PXYLP1: variants seen among roughly 807,000 people sequenced by gnomAD.
The protein encoded by PXYLP1 is 2-phosphoxylose phosphatase 1, also known as acid phosphatase-like 2.
A neutral mutation model predicts 37.9 loss-of-function variants in PXYLP1; 17 were observed. The ratio of observed to expected loss-of-function variants is 0.45; its 90% CI spans 0.31 to 0.67. PXYLP1 has a LOEUF of 0.67. Among genes scored for constraint, PXYLP1 ranks in the 30% least tolerant of loss-of-function variants. The probability of loss-of-function intolerance (pLI) is 0.07; values close to 1 mark genes in which losing one functional copy is unlikely to be tolerated. For missense variants in PXYLP1, 511 were observed against 612.0 expected (o/e 0.84, Z 1.74); for synonymous variants, 221 against 232.2 (o/e 0.95, Z 0.44).
chr3:141,287,358 C>T lies in PXYLP1; in HGVS notation c.410C>T (p.Ser137Leu). The T allele has an allele frequency of 6.2e-7, 1 of 1,614,166 alleles. No individual in the cohort carries two copies. Among genetic ancestry groups the T allele is most frequent in the Non-Finnish European group, 8.5e-7 (1 of 1,180,012 alleles). Residue 137 changes from serine to leucine, a missense_variant, in exon 5 of 6, where the codon TCA becomes TTA. Transcript: ENST00000286353. The part of the protein sequence containing the change: ...PKLEAFISHM[S>L]KGSGASFESP... The stretch of plus-strand genomic sequence containing the variant: ...CTGGAAGCTTTCATTAGTCACATGT[C>T]AAAAGGATCCGGAGCCTCTTTCGAA...
intron 1 of PXYLP1, among the ~76,000 whole-genome samples, chr3:141,246,114 T>A (rs1940931322): frequency 6.6e-6 from 1 of 152,070 alleles, no homozygotes; most frequent in Admixed American, 6.5e-5. Flanking sequence ...TGTAATGGGT[T>A]TGGAAAGCTT....
In PXYLP1 at chr3:141,292,559, T is replaced by A. The variant is rs535085509; in HGVS notation, c.797T>A (p.Leu266Ter). ...KEQRRQYLLR[L>*]KNSQLEKTYG... ...CAGCGTCGTCAGTACCTCCTACGTTTGAAAAACAGCCAGCTGGAGAAGACC... is the reference window on the plus strand; with the variant it reads ...CAGCGTCGTCAGTACCTCCTACGTTAGAAAAACAGCCAGCTGGAGAAGACC... The change falls in exon 6 of 6, where the codon TTG becomes TAG. Residue 266 changes from leucine (L) to a stop codon, truncating the protein, a stop_gained. Transcript: ENST00000286353. LOFTEE classifies it high-confidence loss of function. This position sits in a 1 kb window ranked among gnomAD's most constrained non-coding sequence, Gnocchi z 4.3. 6.2e-7 allele frequency: 1 copy of A among 1,614,092 alleles called. No individual in the cohort carries two copies. Among genetic ancestry groups the A allele is most frequent in the South Asian group, 1.1e-5 (1 of 91,082 alleles).
chr3:141,277,239 G>T (rs60505234), intron 2 of PXYLP1, among the ~76,000 whole-genome samples: 19,488 of 152,134 alleles, frequency 0.13, 1,583 homozygotes, highest in African/African-American at 0.23. Context: ...CTGGTGGTTG[G>T]TCCCTGTTTT....
rs989502148 is a variant in PXYLP1 at position 141,273,043 on chromosome 3, C to A, written c.80-5299C>A. The A allele has an allele frequency of 8.1e-6, 8 of 984,988 alleles. No homozygotes were observed. The South Asian group carries it at 2.3e-4, about 29-fold the overall frequency. 61.0% of individuals were successfully genotyped at this position (984,988 alleles called of 1,614,324 possible). ...TCACTGCATCGTTTCCATACCTGCACCCCCCAACCAGCAACCAGTGAGTGC... is the reference window on the plus strand; with the variant it reads ...TCACTGCATCGTTTCCATACCTGCAACCCCCAACCAGCAACCAGTGAGTGC... On this transcript the variant is annotated intron_variant, in intron 2 of 5. Coordinates refer to ENST00000286353, the MANE Select transcript of PXYLP1 (RefSeq NM_001037172.3).
chr3:141,260,787 C>T (rs1941376755), intron 2 of PXYLP1, among the ~76,000 whole-genome samples: 1 of 152,234 alleles, frequency 6.6e-6, no homozygotes, highest in Admixed American at 6.5e-5. Context: ...CACTGAGATT[C>T]CTAGGCTCAG....
chr3:141,252,980 C>T (rs1305500328), intron 1 of PXYLP1, among the ~76,000 whole-genome samples: 1 of 152,124 alleles, frequency 6.6e-6, no homozygotes, highest in Non-Finnish European at 1.5e-5. Context: ...TCCAGTATTC[C>T]CCAAGGAGGC....
At chr3:141,291,609 C>G (rs1308357052) in intron 5 of PXYLP1, 4 of 152,428 alleles carry the variant, frequency 2.6e-5, no homozygotes, top group Admixed American at 2.6e-4. Flanking sequence ...ACATACTGTT[C>G]TACACTTGGC....
intron 4 of PXYLP1, among the ~76,000 whole-genome samples, chr3:141,283,141 ATT>A (rs11355634): frequency 0.028 from 4,035 of 144,784 alleles, 87 homozygotes; most frequent in African/African-American, 0.061. Flanking sequence ...TAATTTTTGT[ATT>A]TTTTTTTTTT....
chr3:141,282,056 G>T lies in PXYLP1; in HGVS notation c.365+2552G>T, dbSNP rs148264024. On this transcript the variant is annotated intron_variant, in intron 4 of 5. Coordinates refer to ENST00000286353, the MANE Select transcript of PXYLP1 (RefSeq NM_001037172.3). ...GGCAGCTAGTGGTGTTATTATTAGG[G>T]TAGTGATCCAGAGGAGAGACTTCAC... is the stretch of plus-strand genomic sequence containing the variant. 3.9e-5 allele frequency among the ~76,000 whole-genome samples: 6 copies of T among 152,222 alleles called. No individual in the cohort carries two copies. In the East Asian group the frequency reaches 1.2e-3, roughly 29 times the overall value.
Position 141,248,634 on chromosome 3 carries a change from T to TAC in PXYLP1, c.-53-11484_-53-11483dup, listed in dbSNP as rs774436338. Among the ~76,000 whole-genome samples the TAC allele has an allele frequency of 4.5e-4, 43 of 95,708 alleles. 1 individual carries two copies. Among genetic ancestry groups the TAC allele is most frequent in the East Asian group, 3.9e-3 (8 of 2,038 alleles). 62.8% of individuals were successfully genotyped at this position (95,708 alleles called of 152,430 possible). A position where few individuals can be genotyped will look rare whatever the true frequency, so the allele number is the denominator to read the frequency against. ...ACGTATATATACACACACGTATATA[T>TAC]ACACACGTGTATATATACACACGTA... On this transcript the variant is annotated intron_variant, in intron 1 of 5. Coordinates refer to ENST00000286353, the MANE Select transcript of PXYLP1 (RefSeq NM_001037172.3).
chr3:141,261,302 C>T (rs886656421), intron 2 of PXYLP1, among the ~76,000 whole-genome samples: 13 of 152,190 alleles, frequency 8.5e-5, no homozygotes, highest in Non-Finnish European at 5.9e-5. Flanking sequence ...TGGAGGCGTG[C>T]ACCACCACAC....
chr3:141,252,243 C>T (rs1445415835), intron 1 of PXYLP1, among the ~76,000 whole-genome samples: 1 of 152,164 alleles, frequency 6.6e-6, no homozygotes, highest in Non-Finnish European at 1.5e-5. Context: ...TTATTCAGGG[C>T]CTGCTTCAGG....
At chr3:141,275,922 C>A (rs1435802567) in intron 2 of PXYLP1, among the ~76,000 whole-genome samples, 1 of 152,200 alleles carries the variant, frequency 6.6e-6, no homozygotes, top group Admixed American at 6.5e-5. Context: ...ATAATGACTT[C>A]CATCAACGAC....
At chr3:141,279,975 C>G (rs564257345) in intron 4 of PXYLP1, among the ~76,000 whole-genome samples, 1 of 152,242 alleles carries the variant, frequency 6.6e-6, no homozygotes, top group South Asian at 2.1e-4. Flanking sequence ...AATTGCAGAG[C>G]CATATAAATG....
chr3:141,264,025 T>A (rs1042923300), intron 2 of PXYLP1, among the ~76,000 whole-genome samples: 1 of 151,460 alleles, frequency 6.6e-6, no homozygotes, highest in Non-Finnish European at 1.5e-5. Context: ...CATTTGTTTT[T>A]AATCAGAGTG....
chr3:141,268,249 T>C (rs1941580319), intron 2 of PXYLP1, among the ~76,000 whole-genome samples: 1 of 132,582 alleles, frequency 7.5e-6, no homozygotes, highest in Non-Finnish European at 1.6e-5. Flanking sequence ...GTGTCTTGAG[T>C]CAGCAAGAGC....
In PXYLP1 at chr3:141,293,788, G is replaced by A. The variant is rs1379890954; in HGVS notation, c.*583G>A. ...GTACATAAAGGAATATGTGTAGCTGGGTTCCCAGGCCGGACAAAACAGATG... is the reference window on the plus strand; with the variant it reads ...GTACATAAAGGAATATGTGTAGCTGAGTTCCCAGGCCGGACAAAACAGATG... On this transcript the variant is annotated 3_prime_UTR_variant, in exon 6 of 6. Coordinates refer to ENST00000286353, the MANE Select transcript of PXYLP1 (RefSeq NM_001037172.3). 6.6e-6 allele frequency: 1 copy of A among 152,580 alleles called. No homozygotes were observed. The highest frequency in any genetic ancestry group is 2.4e-5 in the African/African-American group (1 of 41,444). The allele number at this position is 152,580 out of a possible 1,614,324, so 9.5% of individuals were successfully genotyped here. A position where few individuals can be genotyped will look rare whatever the true frequency, so the allele number is the denominator to read the frequency against.
At chr3:141,245,804 T>C (rs1321717022) in intron 1 of PXYLP1, among the ~76,000 whole-genome samples, 2 of 152,248 alleles carry the variant, frequency 1.3e-5, no homozygotes, top group Admixed American at 6.5e-5. Flanking sequence ...GCTCTTGTTA[T>C]ATATGGATAT....
At chr3:141,257,904 CAAAAAAAAAAA>C (rs59070598) in intron 1 of PXYLP1, among the ~76,000 whole-genome samples, 3 of 79,444 alleles carry the variant, frequency 3.8e-5, no homozygotes, top group African/African-American at 1.3e-4. Context: ...AACTCTGTCT[CAAAAAAAAAAA>C]AAAAAAAAAA....
Sources: gnomAD v4.1 joint callset for allele counts (sites outside exome capture counted in the v4.1 genomes callset) on GRCh38, gnomAD v4.1.1 for gene constraint, Gnocchi (gnomAD v3.1) non-coding constraint, MANE v1.5 for transcripts, NCBI Gene and HGNC (gene_info 2026-07-23, HGNC 2026-07-21) for gene names.